Variants in PRICKLE4 observed in about 807,000 individuals in gnomAD.
The protein encoded by PRICKLE4 is prickle planar cell polarity protein 4, also known as prickle-like protein 4.
A neutral mutation model predicts 43.5 loss-of-function variants in PRICKLE4; 40 were observed. The observed-to-expected ratio is 0.92, with a 90% CI of 0.71 to 1.20. PRICKLE4 has a LOEUF of 1.20. PRICKLE4 is among the 50% of genes most tolerant of loss of function. PRICKLE4 has a pLI of 0.00. For missense variants in PRICKLE4, 527 were observed against 491.2 expected (o/e 1.07, Z -0.69); for synonymous variants, 208 against 197.4 (o/e 1.05, Z -0.45).
Position 41,784,069 on chromosome 6 carries a change from AAAG to A in PRICKLE4, c.133-58_133-56del, listed in dbSNP as rs552176299. The A allele has an allele frequency of 1.5e-4, 189 of 1,256,874 alleles. No individual in the cohort carries two copies. The African/African-American group carries it at 2.3e-3, about 15-fold the overall frequency. 77.9% of individuals were successfully genotyped at this position (1,256,874 alleles called of 1,614,324 possible). ...AGAAGAGGTGGCAATGATGAGGGGG[AAAG>A]AAGGAGAAAGGAAAGAAAAACCTAG... On this transcript the variant is annotated intron_variant, in intron 3 of 7. Transcript: ENST00000458694.
In PRICKLE4 at chr6:41,787,201, C is replaced by T; in HGVS notation, c.*72C>T. On this transcript the variant is annotated 3_prime_UTR_variant, in exon 8 of 8. Coordinates refer to ENST00000458694, the MANE Select transcript of PRICKLE4 (RefSeq NM_013397.6). ...AAAGCGGGAGAACAAGGCTAGCCTCCCCCTAACAATCCTAGACTGAGACGC... is the reference window on the plus strand; with the variant it reads ...AAAGCGGGAGAACAAGGCTAGCCTCTCCCTAACAATCCTAGACTGAGACGC... 6.6e-7 allele frequency: 1 copy of T among 1,503,914 alleles called. No homozygotes were observed. The highest frequency in any genetic ancestry group is 8.8e-7 in the Non-Finnish European group (1 of 1,135,262). The allele number at this position is 1,503,914 out of a possible 1,614,324, so 93.2% of individuals were successfully genotyped here.
chr6:41,783,664 A>G, intron 3 of PRICKLE4, 59 bp downstream of exon 3: 1 of 1,612,298 alleles, frequency 6.2e-7, no homozygotes. Flanking sequence ...TGGAGTGGCC[A>G]CCCTTTTCCA....
Position 41,787,061 on chromosome 6 carries a change from T to G in PRICKLE4, c.1087T>G (p.Trp363Gly), listed in dbSNP as rs1561897293. 2.5e-6 allele frequency: 4 copies of G among 1,613,584 alleles called. No homozygotes were observed. The East Asian group carries it at 8.9e-5, about 36-fold the overall frequency. The change falls in exon 8 of 8, where the codon TGG (tryptophan) becomes GGG (glycine). Residue 363 changes from tryptophan to glycine, a missense_variant. Transcript: ENST00000458694. ...CTTAGGCGAGCGCCTTCCCCAGTCC[T>G]GGAAGACCCCCGGAAGCCTCCAAGC... ...FFLGERLPQS[W>G]KTPGSLQAED...
chr6:41,785,607 C>T, intron 6 of PRICKLE4, 67 bp downstream of exon 6: 1 of 1,483,750 alleles, frequency 6.7e-7, no homozygotes, highest in Non-Finnish European at 9.2e-7. Flanking sequence ...CAAAGGGACA[C>T]TCTCCTGGGC....
Position 41,783,480 on chromosome 6 carries a change from G to C in PRICKLE4, c.7G>C (p.Val3Leu). 6.6e-7 allele frequency: 1 copy of C among 1,516,416 alleles called. No homozygotes were observed. The highest frequency in any genetic ancestry group is 9.1e-7 in the Non-Finnish European group (1 of 1,100,104). The allele number at this position is 1,516,416 out of a possible 1,614,324, so 93.9% of individuals were successfully genotyped here. Residue 3 changes from valine to leucine, a missense_variant, in exon 3 of 8, where the codon GTG becomes CTG. Physicochemically the swap from Val to Leu is conservative, Grantham distance 32. Coordinates refer to ENST00000458694, the MANE Select transcript of PRICKLE4 (RefSeq NM_013397.6). MS[V>L]QNSGWPHQED... ...GGGGTAGGCTTTGCCACAAATGTCA[G>C]TGCAGAACTCTGGCTGGCCCCACCA...
At chr6:41,786,474 C>A in intron 7 of PRICKLE4, 142 bp downstream of exon 7, 1 of 1,102,682 alleles carries the variant, frequency 9.1e-7, no homozygotes, top group Non-Finnish European at 1.3e-6. Flanking sequence ...ACCCAAGCCT[C>A]GGGGCCCGCA....
chr6:41,786,417 C>A, intron 7 of PRICKLE4, 85 bp downstream of exon 7: 1 of 1,408,332 alleles, frequency 7.1e-7, no homozygotes, highest in Non-Finnish European at 9.6e-7. Flanking sequence ...TCGCCCCGGT[C>A]CCACGCCGTC....
At position 41,785,485 on chromosome 6, in the gene PRICKLE4, A is replaced by C; in HGVS notation, c.527A>C (p.Tyr176Ser). 1.2e-6 allele frequency: 2 copies of C among 1,614,046 alleles called. No individual in the cohort carries two copies. The highest frequency in any genetic ancestry group is 1.7e-6 in the Non-Finnish European group (2 of 1,180,040). ...LIYFYHDGQL[Y>S]CGRHHAELLR... ...TACTTCTACCATGATGGACAACTCT[A>C]CTGCGGCCGTCATCATGCAGAGTTG... The change falls in exon 6 of 8, where the codon TAC becomes TCC. Residue 176 changes from tyrosine to serine, a missense_variant. Physicochemically the swap from Tyr to Ser is moderately radical, Grantham distance 144. Coordinates refer to ENST00000458694, the MANE Select transcript of PRICKLE4 (RefSeq NM_013397.6).
chr6:41,783,424 G>A, intron 2 of PRICKLE4, 38 bp from the exon 3 acceptor site: 1 of 1,444,332 alleles, frequency 6.9e-7, no homozygotes, highest in East Asian at 2.3e-5. Context: ...CATTGTAACG[G>A]CCTAATACAT....
At chr6:41,786,005 T>C in intron 6 of PRICKLE4, 123 bp from the exon 7 acceptor site, 2 of 1,082,254 alleles carry the variant, frequency 1.8e-6, no homozygotes, top group Non-Finnish European at 2.7e-6. Context: ...AGTGGCTGAG[T>C]GAATTAAATG....
chr6:41,786,309 C>A lies in PRICKLE4; in HGVS notation c.764C>A (p.Ala255Glu), dbSNP rs150422472. Residue 255 changes from alanine (A) to glutamate (E), a missense_variant, in exon 7 of 8, where the codon GCA (alanine) becomes GAA (glutamate). Ala to Glu is a moderately radical substitution (Grantham distance 107). Coordinates refer to ENST00000458694, the MANE Select transcript of PRICKLE4 (RefSeq NM_013397.6). ...YSDAGSSWAG[A>E]LEGQAFLGET... ...GATGCAGGCTCGAGCTGGGCCGGGG[C>A]ACTGGAAGGGCAGGCATTCCTTGGT... The A allele has an allele frequency of 6.4e-7, 1 of 1,571,166 alleles. No homozygotes were observed. The highest frequency in any genetic ancestry group is 1.2e-5 in the South Asian group (1 of 86,102).
At chr6:41,783,792 T>G in intron 3 of PRICKLE4, 187 bp downstream of exon 3, 2 of 851,320 alleles carry the variant, frequency 2.3e-6, no homozygotes, top group Non-Finnish European at 3.9e-6. Flanking sequence ...CTCATTCACA[T>G]GAGTATTCAT....
chr6:41,783,557 T>C lies in PRICKLE4; in HGVS notation c.84T>C (p.Ser28=), dbSNP rs1772586560. 6.2e-7 allele frequency: 1 copy of C among 1,613,394 alleles called. No individual in the cohort carries two copies. Among genetic ancestry groups the C allele is most frequent in the South Asian group, 1.1e-5 (1 of 90,990 alleles). The part of the protein sequence containing the change: ...QDPGPPANSD[S]DSGHLPGEDP... Reference sequence around the variant, plus strand: ...CAGGTCCACCAGCCAACTCAGACAGTGACTCAGGCCACCTGCCGGGGGAGG... The same window carrying C: ...CAGGTCCACCAGCCAACTCAGACAGCGACTCAGGCCACCTGCCGGGGGAGG... The change falls in exon 3 of 8, where the codon AGT becomes AGC. Residue 28 remains serine (S), a synonymous_variant. Coordinates refer to ENST00000458694, the MANE Select transcript of PRICKLE4 (RefSeq NM_013397.6).
rs1423893905 is a variant in PRICKLE4, at chr6:41,786,769, T to C, written c.795T>C (p.Thr265=). 6.2e-7 allele frequency: 1 copy of C among 1,613,018 alleles called. No individual in the cohort carries two copies. The highest frequency in any genetic ancestry group is 1.1e-5 in the South Asian group (1 of 91,042). Residue 265 remains threonine, a synonymous_variant, in exon 8 of 8, where the codon ACT becomes ACC. Coordinates refer to ENST00000458694, the MANE Select transcript of PRICKLE4 (RefSeq NM_013397.6). ...ALEGQAFLGE[T]GLDRTEGRDQ... Reference sequence around the variant, plus strand: ...CGACCCGGCCCGGAACAGGGGAGACTGGACTCGACCGAACTGAAGGAAGGG... The same window carrying C: ...CGACCCGGCCCGGAACAGGGGAGACCGGACTCGACCGAACTGAAGGAAGGG...
Position 41,784,142 on chromosome 6 carries a change from T to C in PRICKLE4, c.144T>C (p.Val48=). 1 of 1,613,776 alleles carries C rather than the reference T, an allele frequency of 6.2e-7. No homozygotes were observed. ...CCATGTCTCCTCAGGGTCCTGCAGTTCTGAGCTTGGGTTCCCTTTGCCTGG... is the reference window on the plus strand; with the variant it reads ...CCATGTCTCCTCAGGGTCCTGCAGTCCTGAGCTTGGGTTCCCTTTGCCTGG... ...PEDTHAQGPA[V]LSLGSLCLDT... is the part of the protein sequence containing the mutation. Residue 48 remains valine, a synonymous_variant, in exon 4 of 8, where the codon GTT becomes GTC. Transcript: ENST00000458694.
Position 41,785,043 on chromosome 6 carries a change from C to A in PRICKLE4, c.349C>A (p.Pro117Thr). ...LGQGVARLVL[P>T]KLEGHTCEKC... ...ACAGGGGGTAGCCCGCCTGGTACTT[C>A]CCAAGCTTGAAGGACACACCTGTGA... The change falls in exon 5 of 8, where the codon CCC becomes ACC. Residue 117 changes from proline (P) to threonine (T), a missense_variant. Pro to Thr is a conservative substitution (Grantham distance 38, BLOSUM62 -1). Transcript: ENST00000458694. The A allele has an allele frequency of 1.2e-6, 2 of 1,613,614 alleles. No homozygotes were observed. The highest frequency in any genetic ancestry group is 1.7e-6 in the Non-Finnish European group (2 of 1,179,790).
rs751352662 is a variant in PRICKLE4, at chr6:41,784,932, C to T, written c.241-3C>T. The T allele has an allele frequency of 1.9e-6, 3 of 1,613,798 alleles. No homozygotes were observed. Among genetic ancestry groups the T allele is most frequent in the Non-Finnish European group, 2.5e-6 (3 of 1,179,946 alleles). ...CAGTAATTGTAGAGGACTGTTTCTG[C>T]AGGAGCGCTACTGCCTGGCCCTTGG... On this transcript the variant is annotated splice_region_variant and splice_polypyrimidine_tract_variant and intron_variant, in intron 4 of 7. Transcript: ENST00000458694.
chr6:41,785,110 A>G, intron 5 of PRICKLE4, 38 bp downstream of exon 5: 1 of 1,608,706 alleles, frequency 6.2e-7, no homozygotes, highest in Middle Eastern at 1.7e-4. Flanking sequence ...CCCTTCCTCT[A>G]TTCTTTGCCC....
At chr6:41,783,292 C>G (rs868601011) in intron 2 of PRICKLE4, among the ~76,000 whole-genome samples, 170 bp from the exon 3 acceptor site, 14 of 152,204 alleles carry the variant, frequency 9.2e-5, no homozygotes, top group Admixed American at 2.0e-4. Context: ...CTTGGGCATG[C>G]TACTCAAGGT....
Sources: allele counts gnomAD v4.1 joint callset (sites outside exome capture counted in the v4.1 genomes callset), GRCh38; gene constraint gnomAD v4.1.1; transcripts MANE v1.5; gene names NCBI Gene and HGNC (gene_info 2026-07-23, HGNC 2026-07-21).